ACER2: variants seen among roughly 807,000 people sequenced by gnomAD.
ACER2 encodes alkCDase 2.
Under a neutral mutation model 34.7 loss-of-function variants are expected in ACER2, and 26 were observed. That is an observed-to-expected ratio of 0.75 (90% CI 0.55 to 1.04). The LOEUF is 1.04. Ranked by LOEUF, ACER2 falls within the 50% of genes least tolerant of loss-of-function variation. The pLI is 0.00. For synonymous variants in ACER2, 138 were observed against 132.1 expected, an observed-to-expected ratio of 1.04 and a Z score of -0.31; for missense variants, 352 against 340.8, an observed-to-expected ratio of 1.03 and a Z score of -0.26.
intron 1 of ACER2, among the ~76,000 whole-genome samples, chr9:19,412,681 A>G (rs1326380337): frequency 1.3e-5 from 2 of 150,472 alleles, no homozygotes; most frequent in Non-Finnish European, 3.0e-5. Flanking sequence ...AAAAACCAGC[A>G]TGTATGGCGT....
At chr9:19,437,710 C>A (rs529842642) in intron 4 of ACER2, among the ~76,000 whole-genome samples, 9 of 152,186 alleles carry the variant, frequency 5.9e-5, no homozygotes, top group Admixed American at 2.6e-4. Context: ...TCTTCTCCCC[C>A]TGAAATGCCC....
At chr9:19,445,189 A>G (rs1831313688) in intron 4 of ACER2, among the ~76,000 whole-genome samples, 1 of 152,224 alleles carries the variant, frequency 6.6e-6, no homozygotes, top group Non-Finnish European at 1.5e-5. Context: ...GAACTCACCC[A>G]CTTTATGAGC....
chr9:19,438,582 A>G (rs1831046757), intron 4 of ACER2, among the ~76,000 whole-genome samples: 3 of 152,210 alleles, frequency 2.0e-5, no homozygotes, highest in African/African-American at 4.8e-5. Flanking sequence ...GCTGGTGACA[A>G]CATCTGAAAT....
At chr9:19,422,122 CAA>C (rs57946946) in intron 1 of ACER2, among the ~76,000 whole-genome samples, 3 of 131,508 alleles carry the variant, frequency 2.3e-5, no homozygotes, top group Non-Finnish European at 1.6e-5. Flanking sequence ...CCATCTCTAC[CAA>C]AAAAAAAAAA....
rs148980517 is a variant in ACER2, at chr9:19,439,568, C to T, written c.503+4484C>T. On this transcript the variant is annotated intron_variant, in intron 4 of 5. Transcript: ENST00000340967. The stretch of plus-strand genomic sequence containing the variant: ...AGGGGCTTTCTTATCAGCCTGTAAA[C>T]ACATCTGAGTCTCTACTGCCTTCTC... Among the ~76,000 whole-genome samples, 551 of 152,278 alleles carry T rather than the reference C, an allele frequency of 3.6e-3. 4 individuals are homozygous for T. The highest frequency in any genetic ancestry group is 0.013 in the African/African-American group (525 of 41,560).
At chr9:19,434,020 G>T (rs1345262623) in intron 3 of ACER2, among the ~76,000 whole-genome samples, 2 of 148,020 alleles carry the variant, frequency 1.4e-5, no homozygotes, top group African/African-American at 2.7e-5. Flanking sequence ...CTCAGACGGG[G>T]CGGCTGCCGG....
At chr9:19,431,369 C>G (rs1830748222) in intron 3 of ACER2, among the ~76,000 whole-genome samples, 1 of 152,282 alleles carries the variant, frequency 6.6e-6, no homozygotes, top group Non-Finnish European at 1.5e-5. Context: ...CACTGGAACA[C>G]CTATGCCTTG....
At chr9:19,424,230 C>A (rs959365628) in intron 2 of ACER2, 2 of 460,984 alleles carry the variant, frequency 4.3e-6, no homozygotes, top group Non-Finnish European at 5.7e-6. Context: ...ATTTTCTGAA[C>A]GTCTGAAGAA....
intron 1 of ACER2, among the ~76,000 whole-genome samples, chr9:19,411,559 C>G (rs1830088843): frequency 6.7e-6 from 1 of 150,060 alleles, no homozygotes; most frequent in South Asian, 2.1e-4. Context: ...TTCTTACGTA[C>G]TACTTATATT....
chr9:19,450,407 T>G, intron 5 of ACER2, 43 bp from the exon 6 acceptor site: 1 of 1,524,562 alleles, frequency 6.6e-7, no homozygotes, highest in Non-Finnish European at 8.9e-7. Context: ...GGCAGCGGAG[T>G]CTTCATGCTC....
chr9:19,434,005 C>T (rs561666488), intron 3 of ACER2, among the ~76,000 whole-genome samples: 54 of 147,836 alleles, frequency 3.7e-4, no homozygotes, highest in South Asian at 2.9e-3. Context: ...AGACGCTCCT[C>T]ACTTCTCAGA....
intron 1 of ACER2, among the ~76,000 whole-genome samples, chr9:19,413,299 T>A (rs969979425): frequency 1.3e-5 from 2 of 152,226 alleles, no homozygotes; most frequent in Non-Finnish European, 2.9e-5. Flanking sequence ...TTTTATGTTT[T>A]AAGATTTAAG....
intron 4 of ACER2, among the ~76,000 whole-genome samples, chr9:19,442,875 C>T (rs1831202759): frequency 6.6e-6 from 1 of 151,886 alleles, no homozygotes; most frequent in Admixed American, 6.5e-5. Context: ...CTCTGTCGCC[C>T]AGGCTGGAGT....
intron 4 of ACER2, among the ~76,000 whole-genome samples, chr9:19,445,208 G>T (rs16937528): frequency 1.3e-5 from 2 of 152,272 alleles, no homozygotes; most frequent in African/African-American, 2.4e-5. Context: ...GCAAGTCTTT[G>T]TCAAGGAAAG....
chr9:19,419,721 C>T (rs1052163543), intron 1 of ACER2, among the ~76,000 whole-genome samples: 7 of 152,174 alleles, frequency 4.6e-5, no homozygotes, highest in African/African-American at 7.2e-5. Context: ...TGAGATCGTG[C>T]CGTTGCACTC....
intron 1 of ACER2, among the ~76,000 whole-genome samples, chr9:19,419,848 A>G (rs2132468353): frequency 1.3e-5 from 2 of 152,314 alleles, no homozygotes; most frequent in Admixed American, 1.3e-4. Flanking sequence ...CCACTTAGGT[A>G]TTTCAGACCT....
At chr9:19,426,139 C>A (rs1320167273) in intron 3 of ACER2, among the ~76,000 whole-genome samples, 5 of 151,730 alleles carry the variant, frequency 3.3e-5, no homozygotes, top group African/African-American at 9.7e-5. Flanking sequence ...GTGAGGACAC[C>A]TAACTACAGC....
intron 3 of ACER2, among the ~76,000 whole-genome samples, chr9:19,428,047 C>G (rs1355788848): frequency 7.6e-6 from 1 of 131,706 alleles, no homozygotes; most frequent in Admixed American, 7.8e-5. Flanking sequence ...CCTTTCCTTT[C>G]CTTTCCTTTC....
chr9:19,439,344 C>CTTTTTTTTTTTT lies in ACER2; in HGVS notation c.503+4262_503+4273dup, dbSNP rs55690063. Among the ~76,000 whole-genome samples, 388 of 138,566 alleles carry CTTTTTTTTTTTT rather than the reference C, an allele frequency of 2.8e-3. 4 individuals are homozygous for CTTTTTTTTTTTT. The highest frequency in any genetic ancestry group is 5.3e-3 in the African/African-American group (201 of 37,646). 90.9% of individuals were successfully genotyped at this position (138,566 alleles called of 152,430 possible). A position where few individuals can be genotyped will look rare whatever the true frequency, so the allele number is the denominator to read the frequency against. On this transcript the variant is annotated intron_variant, in intron 4 of 5. Coordinates refer to ENST00000340967, the MANE Select transcript of ACER2 (RefSeq NM_001010887.3). ...GCTGCTCCCTCTCTAAAGGGGCTTG[C>CTTTTTTTTTTTT]TTTTTTTTTTTTTGGAGACGTAGTC...
Sources: gnomAD v4.1 joint callset for allele counts (sites outside exome capture counted in the v4.1 genomes callset) on GRCh38, gnomAD v4.1.1 for gene constraint, MANE v1.5 for transcripts, NCBI Gene and HGNC (gene_info 2026-07-23, HGNC 2026-07-21) for gene names.